NT5DC1: variants seen among roughly 807,000 people sequenced by gnomAD.
NT5DC1 encodes the protein 5'-nucleotidase domain containing 1, also known as 5'-nucleotidase domain-containing protein 1.
Under a neutral mutation model 59.4 loss-of-function variants are expected in NT5DC1, and 42 were observed. That is an observed-to-expected ratio of 0.71 (90% confidence interval 0.55 to 0.92). NT5DC1 has a LOEUF of 0.92. NT5DC1 is among the 40% of genes least tolerant of loss of function. NT5DC1 has a pLI of 0.00. For synonymous variants in NT5DC1, 172 were observed against 188.1 expected, an observed-to-expected ratio of 0.91 and a Z score of 0.70; for missense variants, 501 against 537.1, an observed-to-expected ratio of 0.93 and a Z score of 0.66.
At chr6:116,170,051 A>G (rs1780569609) in intron 6 of NT5DC1, among the ~76,000 whole-genome samples, 1 of 152,246 alleles carries the variant, frequency 6.6e-6, no homozygotes, top group South Asian at 2.1e-4. Context: ...ATATGGAGCC[A>G]TAAGCGACAT....
At chr6:116,182,235 G>GTGTGTGTGTGTGTGTGTGTA (rs1562154238) in intron 6 of NT5DC1, among the ~76,000 whole-genome samples, 3 of 151,310 alleles carry the variant, frequency 2.0e-5, no homozygotes, top group Admixed American at 6.6e-5. Context: ...GTGTGTGTGT[G>GTGTGTGTGTGTGTGTGTGTA]TGTGTGTGTG....
chr6:116,238,139 A>G (rs1782155807), intron 9 of NT5DC1, 48 bp from the exon 10 acceptor site: 1 of 1,424,950 alleles, frequency 7.0e-7, no homozygotes, highest in African/African-American at 1.5e-5. Flanking sequence ...AATAAATGCC[A>G]CTTTCACAAT....
At chr6:116,194,309 T>C (rs1455603718) in intron 6 of NT5DC1, among the ~76,000 whole-genome samples, 2 of 152,070 alleles carry the variant, frequency 1.3e-5, no homozygotes, top group Non-Finnish European at 2.9e-5. Context: ...ACATTACTTG[T>C]TTTCACAACA....
At chr6:116,180,859 GAGTCGTGTATTTTC>G (rs1780858486) in intron 6 of NT5DC1, among the ~76,000 whole-genome samples, 1 of 152,038 alleles carries the variant, frequency 6.6e-6, no homozygotes. Flanking sequence ...TGCAATTTGT[GAGTCGTGTATTTTC>G]AGTCAACCAA....
intron 8 of NT5DC1, among the ~76,000 whole-genome samples, chr6:116,224,007 A>G (rs1469121052): frequency 2.0e-5 from 3 of 152,276 alleles, no homozygotes; most frequent in Middle Eastern, 3.4e-3. Flanking sequence ...TATGCAAAAT[A>G]TATATAAGTG....
intron 11 of NT5DC1, among the ~76,000 whole-genome samples, chr6:116,239,718 G>C (rs1477646031): frequency 6.6e-6 from 1 of 152,204 alleles, no homozygotes; most frequent in Non-Finnish European, 1.5e-5. Flanking sequence ...ACACCTGGTA[G>C]AAACAAATAT....
intron 5 of NT5DC1, among the ~76,000 whole-genome samples, chr6:116,115,984 C>T (rs1480309127): frequency 6.6e-6 from 1 of 151,362 alleles, no homozygotes; most frequent in Admixed American, 6.6e-5. Context: ...AAAAATAAAC[C>T]TATTCTCCAG....
intron 3 of NT5DC1, among the ~76,000 whole-genome samples, chr6:116,110,463 G>C (rs1778852544): frequency 6.6e-6 from 1 of 152,124 alleles, no homozygotes; most frequent in Non-Finnish European, 1.5e-5. Flanking sequence ...CTTTGACTCT[G>C]GTACCTACTG....
chr6:116,167,379 A>T (rs572772975), intron 6 of NT5DC1, among the ~76,000 whole-genome samples: 13 of 151,866 alleles, frequency 8.6e-5, no homozygotes, highest in Admixed American at 8.5e-4. Context: ...CTGCCGGCTA[A>T]TTTTTTGTAT....
chr6:116,162,565 G>A lies in NT5DC1; in HGVS notation c.529+44620G>A, dbSNP rs187125543. Among the ~76,000 whole-genome samples, 304 of 152,106 alleles carry A rather than the reference G, an allele frequency of 2.0e-3. 1 individual carries two copies. Among genetic ancestry groups the A allele is most frequent in the Admixed American group, 3.0e-3 (46 of 15,282 alleles). On this transcript the variant is annotated intron_variant, in intron 6 of 11. Transcript: ENST00000319550. ...TTTTGTTTTTAATTCTGTTTATGTGGTGAATCACATTTATTGATTTGCATA... is the reference window on the plus strand; with the variant it reads ...TTTTGTTTTTAATTCTGTTTATGTGATGAATCACATTTATTGATTTGCATA...
intron 8 of NT5DC1, among the ~76,000 whole-genome samples, chr6:116,231,918 G>A (rs1782026579): frequency 6.6e-6 from 1 of 152,164 alleles, no homozygotes; most frequent in East Asian, 1.9e-4. Context: ...AAAATTATTA[G>A]TATTATATTA....
intron 6 of NT5DC1, among the ~76,000 whole-genome samples, chr6:116,130,127 A>C (rs1779424701): frequency 1.3e-5 from 2 of 152,126 alleles, no homozygotes; most frequent in Admixed American, 1.3e-4. Flanking sequence ...TTTATTTATT[A>C]GCTAGGATAT....
intron 6 of NT5DC1, among the ~76,000 whole-genome samples, chr6:116,153,625 C>T (rs1780108288): frequency 6.6e-6 from 1 of 152,092 alleles, no homozygotes; most frequent in Non-Finnish European, 1.5e-5. Flanking sequence ...CCTAGTTAGG[C>T]TTCAGAAATA....
chr6:116,120,881 G>T (rs1335893478), intron 6 of NT5DC1: 1 of 1,613,754 alleles, frequency 6.2e-7, no homozygotes, highest in African/African-American at 1.3e-5. Context: ...TCCAACTCCA[G>T]GATCACCTTT....
At chr6:116,212,861 T>A (rs1464506670) in intron 6 of NT5DC1, among the ~76,000 whole-genome samples, 1 of 152,174 alleles carries the variant, frequency 6.6e-6, no homozygotes, top group Non-Finnish European at 1.5e-5. Flanking sequence ...AATTTTGGAT[T>A]TCTTTAAACT....
At chr6:116,228,526 A>G (rs893755109) in intron 8 of NT5DC1, among the ~76,000 whole-genome samples, 1 of 152,058 alleles carries the variant, frequency 6.6e-6, no homozygotes, top group African/African-American at 2.4e-5. Flanking sequence ...AAAAGAAGAA[A>G]AGTTTAGCTC....
At chr6:116,158,268 C>T (rs564641408) in intron 6 of NT5DC1, among the ~76,000 whole-genome samples, 12 of 151,846 alleles carry the variant, frequency 7.9e-5, no homozygotes, top group African/African-American at 2.7e-4. Flanking sequence ...GATGAAGATA[C>T]ATGGCATTTC....
chr6:116,121,397 G>A lies in NT5DC1; in HGVS notation c.529+3452G>A, dbSNP rs1333426891. Reference sequence around the variant, plus strand: ...TGGGCCAATTGGTCCCATTTCTCCCGGAAAACCTCTATCACCTTTGATGCC... The same window carrying A: ...TGGGCCAATTGGTCCCATTTCTCCCAGAAAACCTCTATCACCTTTGATGCC... On this transcript the variant is annotated intron_variant, in intron 6 of 11. Transcript: ENST00000319550. 1.1e-5 allele frequency: 18 copies of A among 1,613,896 alleles called. No homozygotes were observed. The highest frequency in any genetic ancestry group is 3.3e-4 in the Middle Eastern group (2 of 6,084).
chr6:116,229,470 G>T (rs748650115), intron 8 of NT5DC1, among the ~76,000 whole-genome samples: 2 of 152,176 alleles, frequency 1.3e-5, no homozygotes. Context: ...GGTAACAGGG[G>T]CAAAGATGCT....
Sources: gnomAD v4.1 joint callset for allele counts (sites outside exome capture counted in the v4.1 genomes callset) on GRCh38, gnomAD v4.1.1 for gene constraint, MANE v1.5 for transcripts, NCBI Gene and HGNC (gene_info 2026-07-23, HGNC 2026-07-21) for gene names.